The following TLL2 variants were observed in gnomAD, a reference collection of about 807,000 sequenced individuals.
The protein encoded by TLL2 is tolloid-like protein 2.
TLL2 carries 106 observed loss-of-function variants against 123.0 expected under a neutral mutation model. The observed-to-expected ratio is 0.86, with a 90% CI of 0.74 to 1.01. TLL2 has a LOEUF of 1.01. TLL2 is among the 50% of genes least tolerant of loss of function. The pLI is 0.00. For missense variants in TLL2, 1,332 were observed against 1,336.7 expected (o/e 1.00, Z 0.06); for synonymous variants, 494 against 516.8 (o/e 0.96, Z 0.60).
intron 4 of TLL2, among the ~76,000 whole-genome samples, chr10:96,431,383 G>A (rs947223011): frequency 2.6e-5 from 4 of 152,270 alleles, no homozygotes; most frequent in East Asian, 1.9e-4. Flanking sequence ...GGTCTTCACC[G>A]TTCCCTAACT....
At chr10:96,384,339 G>A (rs1441884955) in intron 16 of TLL2, among the ~76,000 whole-genome samples, 1 of 152,192 alleles carries the variant, frequency 6.6e-6, no homozygotes, top group African/African-American at 2.4e-5. Context: ...AGAACTGTAA[G>A]AATAAGATTC....
intron 17 of TLL2, among the ~76,000 whole-genome samples, chr10:96,377,171 T>C (rs1220669816): frequency 6.6e-6 from 1 of 152,234 alleles, no homozygotes; most frequent in African/African-American, 2.4e-5. Flanking sequence ...GGGGCTCTTA[T>C]GTAAGCTTCG....
At chr10:96,404,154 C>T (rs1400010694) in intron 10 of TLL2, among the ~76,000 whole-genome samples, 2 of 152,200 alleles carry the variant, frequency 1.3e-5, no homozygotes, top group African/African-American at 2.4e-5. Context: ...TGCCGGTCCC[C>T]TGGGCCCACT....
At chr10:96,405,088 C>G in intron 10 of TLL2, 144 bp downstream of exon 10, 1 of 712,074 alleles carries the variant, frequency 1.4e-6, no homozygotes, top group Non-Finnish European at 2.4e-6. Flanking sequence ...CATGTGTGGC[C>G]AAATGGAGTG....
At chr10:96,423,575 G>C (rs1356831019) in intron 5 of TLL2, among the ~76,000 whole-genome samples, 2 of 152,002 alleles carry the variant, frequency 1.3e-5, no homozygotes, top group Non-Finnish European at 2.9e-5. Context: ...TCCAGTTTTT[G>C]CTATTTTAAC....
chr10:96,410,507 A>G, intron 8 of TLL2, 33 bp from the exon 9 acceptor site: 1 of 1,564,280 alleles, frequency 6.4e-7, no homozygotes, highest in Admixed American at 1.7e-5. Flanking sequence ...GTGATGTGGC[A>G]TATGCACCTC....
rs140082501 is a variant in TLL2, at chr10:96,419,848, C to T, written c.923+1108G>A. Among the ~76,000 whole-genome samples, 599 of 152,298 alleles carry T rather than the reference C, an allele frequency of 3.9e-3. 2 individuals are homozygous for T. The highest frequency in any genetic ancestry group is 0.011 in the African/African-American group (469 of 41,562). ...ATATGTTTTCTGAGCAAATGAATTCCTTTCATCTTTATGGACATGGAGACT... is the reference window on the plus strand; with the variant it reads ...ATATGTTTTCTGAGCAAATGAATTCTTTTCATCTTTATGGACATGGAGACT... On this transcript the variant is annotated intron_variant, in intron 7 of 20. Coordinates refer to ENST00000357947, the MANE Select transcript of TLL2 (RefSeq NM_012465.4).
At chr10:96,508,019 T>A (rs753966835) in intron 1 of TLL2, among the ~76,000 whole-genome samples, 72 of 152,168 alleles carry the variant, frequency 4.7e-4, no homozygotes, top group Non-Finnish European at 7.1e-4. Flanking sequence ...TACCTAGGTG[T>A]GGCCCATGGT....
chr10:96,487,814 C>G (rs1435576294), intron 1 of TLL2, among the ~76,000 whole-genome samples: 1 of 152,168 alleles, frequency 6.6e-6, no homozygotes, highest in Non-Finnish European at 1.5e-5. Context: ...TTCCTAAGCT[C>G]TTAGCATCTA....
rs533004661 is a variant in TLL2, at chr10:96,447,086, G to A, written c.287-918C>T. 2.6e-5 allele frequency among the ~76,000 whole-genome samples: 4 copies of A among 152,238 alleles called. No homozygotes were observed. In the South Asian group the frequency reaches 8.3e-4, roughly 32 times the overall value. On this transcript the variant is annotated intron_variant, in intron 2 of 20. Coordinates refer to ENST00000357947, the MANE Select transcript of TLL2 (RefSeq NM_012465.4). ...GGTTGGAGAGGGGCCTCAGGTAGGT[G>A]GGATGGCAGTGAGATCTGAAAGGCA...
chr10:96,453,527 T>C (rs1846981859), intron 2 of TLL2, among the ~76,000 whole-genome samples: 1 of 152,172 alleles, frequency 6.6e-6, no homozygotes, highest in Non-Finnish European at 1.5e-5. Context: ...AGGAATTAAT[T>C]GGCAATGAAG....
intron 5 of TLL2, among the ~76,000 whole-genome samples, chr10:96,426,577 T>C (rs1236732493): frequency 1.3e-5 from 2 of 152,284 alleles, no homozygotes; most frequent in East Asian, 3.9e-4. Context: ...GTTCTTCAAT[T>C]TCATTCAAAG....
intron 3 of TLL2, among the ~76,000 whole-genome samples, chr10:96,442,097 T>C (rs1345605740): frequency 1.3e-5 from 2 of 152,158 alleles, no homozygotes; most frequent in African/African-American, 4.8e-5. Flanking sequence ...CTGAAATGCA[T>C]GCTGAGCTCT....
intron 11 of TLL2, 88 bp downstream of exon 11, chr10:96,397,098 G>C (rs1846349504): frequency 2.1e-5 from 26 of 1,250,370 alleles, no homozygotes; most frequent in Non-Finnish European, 1.1e-6. Context: ...GGCCTGGAGT[G>C]TCTGGGCTGG....
intron 7 of TLL2, among the ~76,000 whole-genome samples, chr10:96,417,328 A>G (rs1846572562): frequency 6.6e-6 from 1 of 152,234 alleles, no homozygotes. Flanking sequence ...ATCCAGGTAA[A>G]AAGTTGGCAG....
intron 2 of TLL2, among the ~76,000 whole-genome samples, chr10:96,458,501 C>T (rs1432496142): frequency 1.4e-5 from 2 of 140,916 alleles, no homozygotes; most frequent in Non-Finnish European, 3.0e-5. Flanking sequence ...GCAGGAGAAT[C>T]GCTTGAACCT....
chr10:96,413,428 C>G, intron 7 of TLL2, 112 bp from the exon 8 acceptor site: 2 of 1,349,632 alleles, frequency 1.5e-6, no homozygotes, highest in Non-Finnish European at 2.0e-6. Context: ...TTCCTGCCCC[C>G]TGGCCAGCCT....
At chr10:96,456,335 G>A (rs72811122) in intron 2 of TLL2, among the ~76,000 whole-genome samples, 23,333 of 152,214 alleles carry the variant, frequency 0.15, 2,066 homozygotes, top group East Asian at 0.44. Context: ...AAGGCTCACA[G>A]ACACATGTGT....
intron 2 of TLL2, among the ~76,000 whole-genome samples, chr10:96,473,694 G>A (rs775486020): frequency 3.9e-5 from 6 of 152,202 alleles, no homozygotes; most frequent in African/African-American, 9.6e-5. Flanking sequence ...ACTTCCATCC[G>A]AGCCAATAAG....
Sources: gnomAD v4.1 joint callset for allele counts (sites outside exome capture counted in the v4.1 genomes callset) on GRCh38, gnomAD v4.1.1 for gene constraint, MANE v1.5 for transcripts, NCBI Gene and HGNC (gene_info 2026-07-23, HGNC 2026-07-21) for gene names.